PSD3: variants seen among roughly 807,000 people sequenced by gnomAD.
The protein encoded by PSD3 is PH and SEC7 domain-containing protein 3.
A neutral mutation model predicts 105.5 loss-of-function variants in PSD3; 49 were observed. The observed-to-expected ratio is 0.46, with a 90% CI of 0.37 to 0.59. The LOEUF is 0.59. Among genes scored for constraint, PSD3 ranks in the 20% least tolerant of loss-of-function variants. PSD3 has a pLI of 0.00. For missense variants in PSD3, 1,561 were observed against 1,263.8 expected (o/e 1.24, Z -3.57); for synonymous variants, 557 against 457.8 (o/e 1.22, Z -2.77).
intron 11 of PSD3, among the ~76,000 whole-genome samples, chr8:18,608,258 T>C (rs1025408081): frequency 1.3e-5 from 2 of 152,214 alleles, no homozygotes; most frequent in African/African-American, 4.8e-5. Context: ...AGGAGCTACC[T>C]TGAGCTGTTG....
intron 4 of PSD3, among the ~76,000 whole-genome samples, chr8:18,819,076 A>G (rs970838403): frequency 6.6e-6 from 1 of 152,148 alleles, no homozygotes; most frequent in Non-Finnish European, 1.5e-5. Flanking sequence ...TCCCGGCAAG[A>G]CTACCTAACG....
chr8:18,786,889 T>A (rs1004757850), intron 8 of PSD3: 3 of 152,364 alleles, frequency 2.0e-5, no homozygotes, highest in African/African-American at 7.2e-5. Context: ...CAGTCCATTT[T>A]GCTGCTTACT....
At chr8:18,761,367 G>C (rs1489214504) in intron 9 of PSD3, among the ~76,000 whole-genome samples, 4 of 152,112 alleles carry the variant, frequency 2.6e-5, no homozygotes, top group African/African-American at 9.7e-5. Context: ...TGCAGGAAGG[G>C]ATAGGGTCCT....
At chr8:18,652,696 C>A (rs140764825) in intron 10 of PSD3, among the ~76,000 whole-genome samples, 4,117 of 151,870 alleles carry the variant, frequency 0.027, 149 homozygotes, top group African/African-American at 0.077. Flanking sequence ...TGAGGTTTCA[C>A]CATGTTGGCC....
In PSD3 at chr8:18,904,634, A is replaced by G. The variant is rs1299355656; in HGVS notation, c.130+31400T>C. Among the ~76,000 whole-genome samples the G allele has an allele frequency of 4.6e-5, 7 of 152,214 alleles. No individual in the cohort carries two copies. In the East Asian group the frequency reaches 1.3e-3, roughly 29 times the overall value. The stretch of plus-strand genomic sequence containing the variant: ...TATCTTGGAAGTAAATAACAAAACA[A>G]AATAAAAATTTTAAGTACATCTTCT... On this transcript the variant is annotated intron_variant, in intron 2 of 15. Transcript: ENST00000327040.
intron 1 of PSD3, among the ~76,000 whole-genome samples, chr8:18,974,957 A>G (rs1413798937): frequency 1.3e-5 from 2 of 152,154 alleles, no homozygotes; most frequent in South Asian, 4.1e-4. Flanking sequence ...AGCAGTTACC[A>G]TGCACTGTTG....
At chr8:18,623,382 C>A (rs1806255285) in intron 11 of PSD3, among the ~76,000 whole-genome samples, 1 of 132,424 alleles carries the variant, frequency 7.6e-6, no homozygotes, top group African/African-American at 2.9e-5. Flanking sequence ...GAAGCCAAGG[C>A]AGGAGGACTG....
At chr8:18,537,822 G>A (rs1003648793) in intron 15 of PSD3, among the ~76,000 whole-genome samples, 14 of 152,052 alleles carry the variant, frequency 9.2e-5, no homozygotes, top group African/African-American at 2.7e-4. Flanking sequence ...GATTACAGGC[G>A]CACACCACCA....
intron 1 of PSD3, among the ~76,000 whole-genome samples, chr8:18,969,368 G>A (rs553315258): frequency 6.6e-6 from 1 of 152,288 alleles, no homozygotes; most frequent in African/African-American, 2.4e-5. Flanking sequence ...GCAATAAAAT[G>A]ACTATAACAT....
intron 9 of PSD3, among the ~76,000 whole-genome samples, chr8:18,739,766 T>A (rs572099681): frequency 6.6e-6 from 1 of 152,266 alleles, no homozygotes; most frequent in African/African-American, 2.4e-5. Context: ...ATCAAACAAA[T>A]TAACATGCCC....
chr8:18,968,986 G>C (rs1824463645), intron 1 of PSD3, among the ~76,000 whole-genome samples: 1 of 149,008 alleles, frequency 6.7e-6, no homozygotes, highest in Non-Finnish European at 1.5e-5. Flanking sequence ...CAATTCCAAA[G>C]AAAAAAGATT....
At chr8:18,757,819 T>G (rs1713298392) in intron 9 of PSD3, among the ~76,000 whole-genome samples, 1 of 152,242 alleles carries the variant, frequency 6.6e-6, no homozygotes, top group Admixed American at 6.5e-5. Context: ...TGTCTTTTTC[T>G]TAAAACGTCA....
intron 11 of PSD3, among the ~76,000 whole-genome samples, chr8:18,614,091 G>C (rs948335104): frequency 6.6e-6 from 1 of 152,160 alleles, no homozygotes; most frequent in African/African-American, 2.4e-5. Context: ...TTGCGGTCTG[G>C]TTTGTCATCT....
At chr8:18,698,771 G>A (rs10089319) in intron 9 of PSD3, among the ~76,000 whole-genome samples, 124,994 of 152,180 alleles carry the variant, frequency 0.82, 52,865 homozygotes, top group Non-Finnish European at 0.94. Context: ...TTTGTCAGAA[G>A]TAGGTGTATT....
Position 18,556,962 on chromosome 8 carries a change from A to C in PSD3, c.2785-610T>G, listed in dbSNP as rs537019174. On this transcript the variant is annotated intron_variant, in intron 14 of 15. Coordinates refer to ENST00000327040, the MANE Select transcript of PSD3 (RefSeq NM_015310.4). Reference sequence around the variant, plus strand: ...ATTGGCCCAAAGCAACCCGTCAATTAAAATGTATCTACCTATTTAGCAATT... The same window carrying C: ...ATTGGCCCAAAGCAACCCGTCAATTCAAATGTATCTACCTATTTAGCAATT... Among the ~76,000 whole-genome samples, 61 of 152,342 alleles carry C rather than the reference A, an allele frequency of 4.0e-4. 1 individual carries two copies. Among genetic ancestry groups the C allele is most frequent in the African/African-American group, 1.4e-3 (59 of 41,578 alleles).
Position 18,799,348 on chromosome 8 carries a change from C to A in PSD3, c.2029G>T (p.Val677Phe). The change falls in exon 8 of 16, where the codon GTC becomes TTC. Residue 677 changes from valine to phenylalanine, a missense_variant. Physicochemically the swap from Val to Phe is conservative, Grantham distance 50. Coordinates refer to ENST00000327040, the MANE Select transcript of PSD3 (RefSeq NM_015310.4). ...ATTATTGCACAGGTAAGGCAATGGA[C>A]TCCATCTAAAGAAAGATACAAGAAA... ...NPDTIASQDGVHCLTCAIMLL... is the reference protein window; with the variant it reads ...NPDTIASQDGFHCLTCAIMLL... 6.2e-7 allele frequency: 1 copy of A among 1,602,148 alleles called. No homozygotes were observed. The highest frequency in any genetic ancestry group is 8.5e-7 in the Non-Finnish European group (1 of 1,171,348).
intron 9 of PSD3, among the ~76,000 whole-genome samples, chr8:18,722,375 A>T (rs1158090523): frequency 6.6e-6 from 1 of 152,152 alleles, no homozygotes; most frequent in Non-Finnish European, 1.5e-5. Context: ...GAATCTAAAA[A>T]TATCCATGTT....
At chr8:18,600,656 C>T (rs1200987554) in intron 11 of PSD3, among the ~76,000 whole-genome samples, 1 of 152,136 alleles carries the variant, frequency 6.6e-6, no homozygotes, top group Non-Finnish European at 1.5e-5. Flanking sequence ...CAGGTTGGTG[C>T]TATTTCTCTC....
chr8:18,724,327 T>C (rs1803199811), intron 9 of PSD3, among the ~76,000 whole-genome samples: 1 of 152,160 alleles, frequency 6.6e-6, no homozygotes, highest in Non-Finnish European at 1.5e-5. Flanking sequence ...GTTCTTACTG[T>C]TGGGCCAGGT....
Sources: allele counts gnomAD v4.1 joint callset (sites outside exome capture counted in the v4.1 genomes callset), GRCh38; gene constraint gnomAD v4.1.1; transcripts MANE v1.5; gene names NCBI Gene and HGNC (gene_info 2026-07-23, HGNC 2026-07-21).